The following TXNL4A variants were observed in gnomAD, a reference collection of about 807,000 sequenced individuals.
TXNL4A encodes the protein thioredoxin like 4A, also known as thioredoxin-like protein 4A.
A neutral mutation model predicts 14.6 loss-of-function variants in TXNL4A; 17 were observed. That is an observed-to-expected ratio of 1.16 (90% CI 0.80 to 1.74). The LOEUF is 1.74. Among genes scored for constraint, TXNL4A ranks in the 40% most tolerant of loss-of-function variants. The pLI is 0.00. For synonymous variants in TXNL4A, 83 were observed against 70.6 expected, an observed-to-expected ratio of 1.18 and a Z score of -0.88; for missense variants, 74 against 195.2, an observed-to-expected ratio of 0.38 and a Z score of 3.70.
rs116710571 is a variant in TXNL4A, at chr18:80,008,640, C to T, written c.-61+25211G>A. ...GTACTTTTACCTGAGTGCTTCCCCC[C>T]GTTCTCCTCCACCCCACCCCACTTC... On this transcript the variant is annotated intron_variant, in intron 1 of 2. Transcript: ENST00000585474. 6.1e-3 allele frequency among the ~76,000 whole-genome samples: 926 copies of T among 152,234 alleles called. 7 individuals carry two copies. Among genetic ancestry groups the T allele is most frequent in the African/African-American group, 0.021 (872 of 41,538 alleles).
chr18:79,986,847 G>C lies in TXNL4A; in HGVS notation c.153+1393C>G, dbSNP rs146273663. The stretch of plus-strand genomic sequence containing the variant: ...GGAAACTGCTCTTAGTCAATTCTTC[G>C]CTGGATTTCCAGTATCTGCCCTTGT... On this transcript the variant is annotated intron_variant, in intron 1 of 2. Coordinates refer to ENST00000269601, the MANE Select transcript of TXNL4A (RefSeq NM_006701.5). 1.1e-4 allele frequency: 93 copies of C among 879,068 alleles called. No individual in the cohort carries two copies. In the African/African-American group the frequency reaches 1.7e-3, roughly 16 times the overall value. 54.5% of individuals were successfully genotyped at this position (879,068 alleles called of 1,614,324 possible). A position where few individuals can be genotyped will look rare whatever the true frequency, so the allele number is the denominator to read the frequency against.
At chr18:80,018,780 C>T (rs550492260) in intron 1 of TXNL4A, among the ~76,000 whole-genome samples, 18 of 152,256 alleles carry the variant, frequency 1.2e-4, no homozygotes, top group East Asian at 3.9e-4. Flanking sequence ...TAACAGCACC[C>T]GTCACTTTTT....
chr18:79,998,065 G>A (rs1020517089), intron 1 of TXNL4A, among the ~76,000 whole-genome samples: 4 of 152,104 alleles, frequency 2.6e-5, no homozygotes, highest in African/African-American at 7.2e-5. Context: ...AGGCTGAGGC[G>A]GGTGGATCAC....
intron 1 of TXNL4A, among the ~76,000 whole-genome samples, chr18:80,016,795 G>T (rs1372527039): frequency 1.4e-4 from 21 of 149,158 alleles, no homozygotes; most frequent in Non-Finnish European, 3.0e-4. Context: ...GTCAGGTAGC[G>T]TGATGCCTCC....
intron 1 of TXNL4A, among the ~76,000 whole-genome samples, chr18:80,018,413 G>A (rs997754106): frequency 1.3e-5 from 2 of 151,966 alleles, no homozygotes; most frequent in Non-Finnish European, 2.9e-5. Context: ...CGCTAACATC[G>A]CAATTAAAAG....
intron 1 of TXNL4A, among the ~76,000 whole-genome samples, chr18:80,007,916 C>A (rs150675494): frequency 3.3e-5 from 5 of 152,220 alleles, no homozygotes; most frequent in African/African-American, 1.2e-4. Context: ...GTCTCTGGGG[C>A]CTGTCCAATG....
chr18:80,024,110 T>C (rs2051868068), intron 1 of TXNL4A, among the ~76,000 whole-genome samples: 2 of 152,052 alleles, frequency 1.3e-5, no homozygotes, highest in South Asian at 4.2e-4. Context: ...TTTGCCGAAG[T>C]CTGGGACCTC....
intron 1 of TXNL4A, among the ~76,000 whole-genome samples, chr18:79,979,012 A>G (rs374834502): frequency 1.3e-5 from 2 of 151,150 alleles, no homozygotes; most frequent in African/African-American, 4.9e-5. Context: ...ATCTTGGCTC[A>G]CTGCAACCTC....
At chr18:79,978,894 T>A (rs1421388992) in intron 1 of TXNL4A, among the ~76,000 whole-genome samples, 1 of 151,908 alleles carries the variant, frequency 6.6e-6, no homozygotes, top group South Asian at 2.1e-4. Context: ...CATATTGTGA[T>A]CGTACTACAA....
chr18:80,019,175 G>A (rs1312864443), intron 1 of TXNL4A, among the ~76,000 whole-genome samples: 1 of 152,132 alleles, frequency 6.6e-6, no homozygotes, highest in African/African-American at 2.4e-5. Flanking sequence ...TGGTACCAAT[G>A]TACTGCATTA....
intron 1 of TXNL4A, among the ~76,000 whole-genome samples, chr18:79,986,263 TG>T (rs2051546568): frequency 6.6e-6 from 1 of 152,186 alleles, no homozygotes; most frequent in African/African-American, 2.4e-5. Context: ...CTCGAATCCC[TG>T]GGCTCAAGTG....
At chr18:80,001,554 C>A (rs1385896808) in intron 1 of TXNL4A, among the ~76,000 whole-genome samples, 2 of 152,306 alleles carry the variant, frequency 1.3e-5, no homozygotes, top group South Asian at 2.1e-4. Context: ...TGGGGTATAC[C>A]CTGCAAAGCC....
At chr18:79,978,398 T>C (rs1363350050) in intron 1 of TXNL4A, among the ~76,000 whole-genome samples, 3 of 152,216 alleles carry the variant, frequency 2.0e-5, no homozygotes, top group Admixed American at 1.3e-4. Context: ...TTTTCTGTTA[T>C]TTTTTCTTTA....
Position 79,971,263 on chromosome 18 carries a change from T to C in TXNL4A, c.*2422A>G, listed in dbSNP as rs908335791. The stretch of plus-strand genomic sequence containing the variant: ...TTTGGCTTCTGTGTACGAGTTTCTA[T>C]GTGGACATATGCGTTCAATTCTCCT... On this transcript the variant is annotated 3_prime_UTR_variant, in exon 3 of 3. Transcript: ENST00000269601. 4 of 152,288 alleles carry C rather than the reference T, an allele frequency of 2.6e-5. No individual in the cohort carries two copies. Among genetic ancestry groups the C allele is most frequent in the African/African-American group, 4.8e-5 (2 of 41,476 alleles). 9.4% of individuals were successfully genotyped at this position (152,288 alleles called of 1,614,324 possible). A position where few individuals can be genotyped will look rare whatever the true frequency, so the allele number is the denominator to read the frequency against.
rs991237436 is a variant in TXNL4A at position 79,970,956 on chromosome 18, C to G, written c.*2729G>C. The G allele has an allele frequency of 1.9e-4, 30 of 155,070 alleles. No individual in the cohort carries two copies. Among genetic ancestry groups the G allele is most frequent in the African/African-American group, 7.0e-4 (29 of 41,626 alleles). 9.6% of individuals were successfully genotyped at this position (155,070 alleles called of 1,614,324 possible). A position where few individuals can be genotyped will look rare whatever the true frequency, so the allele number is the denominator to read the frequency against. ...CTTAGGGCACTTTTTCTGTTTATGCCTGCTCGGCTTATGTAAGCACATTTT... is the reference window on the plus strand; with the variant it reads ...CTTAGGGCACTTTTTCTGTTTATGCGTGCTCGGCTTATGTAAGCACATTTT... On this transcript the variant is annotated 3_prime_UTR_variant, in exon 3 of 3. Transcript: ENST00000269601.
At chr18:80,033,790 C>G (rs2051943813) in intron 1 of TXNL4A, 1 of 152,892 alleles carries the variant, frequency 6.5e-6, no homozygotes. Context: ...CCGCCGGCCC[C>G]GCCTCGCGTC....
intron 2 of TXNL4A, chr18:79,976,737 T>G (rs1159521886): frequency 2.2e-6 from 1 of 455,500 alleles, no homozygotes; most frequent in Non-Finnish European, 4.4e-6. Flanking sequence ...GGCTCCACTT[T>G]TGGAGAATGG....
At chr18:79,973,886 C>G in intron 2 of TXNL4A, 30 bp from the exon 3 acceptor site, 1 of 1,601,846 alleles carries the variant, frequency 6.2e-7, no homozygotes, top group Non-Finnish European at 8.5e-7. Context: ...CATCCATTCT[C>G]ATAGAAGTCT....
intron 1 of TXNL4A, among the ~76,000 whole-genome samples, chr18:80,007,798 T>C (rs2051741916): frequency 6.6e-6 from 1 of 152,158 alleles, no homozygotes; most frequent in Non-Finnish European, 1.5e-5. Flanking sequence ...CTAGGGAAGT[T>C]TGATTACTTC....
Sources: gnomAD v4.1 joint callset for allele counts (sites outside exome capture counted in the v4.1 genomes callset) on GRCh38, gnomAD v4.1.1 for gene constraint, MANE v1.5 for transcripts, NCBI Gene and HGNC (gene_info 2026-07-23, HGNC 2026-07-21) for gene names.